Variants in DGKB observed in about 807,000 individuals in gnomAD.
The protein encoded by DGKB is diacylglycerol kinase beta, also known as 90 kDa diacylglycerol kinase.
In DGKB, 67 loss-of-function variants were observed where a neutral mutation model predicts 114.3. The ratio of observed to expected loss-of-function variants is 0.59; its 90% CI spans 0.48 to 0.72. The LOEUF (loss-of-function observed/expected upper bound fraction) is 0.72. Ranked by LOEUF, DGKB falls within the 30% of genes least tolerant of loss-of-function variation. The pLI is 0.00. For synonymous variants in DGKB, 398 were observed against 323.1 expected (o/e 1.23, Z -2.49); for missense variants, 907 against 975.2 (o/e 0.93, Z 0.93).
intron 21 of DGKB, among the ~76,000 whole-genome samples, chr7:14,392,995 G>GTTTTTTTGTTTTTTTTTTTTTTTTTTTTT (rs1554404750): frequency 5.9e-4 from 36 of 60,548 alleles, no homozygotes; most frequent in East Asian, 3.2e-3. Flanking sequence ...TTTTGTTTTT[G>GTTTTTTTGTTTTTTTTTTTTTTTTTTTTT]TTTTTTTTTT....
chr7:14,831,699 G>A (rs1444994153), intron 2 of DGKB, among the ~76,000 whole-genome samples: 5 of 152,042 alleles, frequency 3.3e-5, no homozygotes, highest in Admixed American at 6.6e-5. Context: ...CCTAGCATCC[G>A]AGGATCTGCA....
intron 23 of DGKB, among the ~76,000 whole-genome samples, chr7:14,192,908 T>C (rs971224054): frequency 2.0e-5 from 3 of 152,022 alleles, no homozygotes; most frequent in African/African-American, 4.8e-5. Flanking sequence ...GGTGTTAGAT[T>C]CACATACAGA....
At chr7:14,479,531 C>T (rs187109768) in intron 20 of DGKB, among the ~76,000 whole-genome samples, 7 of 152,196 alleles carry the variant, frequency 4.6e-5, no homozygotes, top group South Asian at 4.1e-4. Flanking sequence ...TCCCCCTCTA[C>T]GGTTTAATAT....
intron 13 of DGKB, among the ~76,000 whole-genome samples, chr7:14,654,572 A>T (rs2128908657): frequency 6.6e-6 from 1 of 152,162 alleles, no homozygotes; most frequent in South Asian, 2.1e-4. Context: ...AACAAATACA[A>T]GTAGTCAAAG....
intron 1 of DGKB, among the ~76,000 whole-genome samples, chr7:14,974,379 A>T (rs1198121974): frequency 6.6e-6 from 1 of 152,124 alleles, no homozygotes; most frequent in Admixed American, 6.6e-5. Context: ...TTGCTTAATT[A>T]AAAAAGGAAT....
rs543028575 is a variant in DGKB at position 14,234,760 on chromosome 7, G to T, written c.2123-56609C>A. Among the ~76,000 whole-genome samples the T allele has an allele frequency of 3.3e-5, 5 of 152,106 alleles. No homozygotes were observed. In the East Asian group the frequency reaches 9.7e-4, roughly 30 times the overall value. ...GAACTTAGAAAAGGTGATGTAGGGG[G>T]AGTATTCTCCATCTTATATCATTGC... On this transcript the variant is annotated intron_variant, in intron 23 of 25. Transcript: ENST00000402815.
At chr7:14,480,398 T>C (rs760317016) in intron 20 of DGKB, among the ~76,000 whole-genome samples, 3 of 152,018 alleles carry the variant, frequency 2.0e-5, no homozygotes, top group African/African-American at 4.8e-5. Context: ...AACTACAGGA[T>C]TGATAAGGAA....
At chr7:14,754,330 T>C (rs1236569570) in intron 3 of DGKB, among the ~76,000 whole-genome samples, 1 of 152,150 alleles carries the variant, frequency 6.6e-6, no homozygotes, top group Non-Finnish European at 1.5e-5. Flanking sequence ...AAATATAATA[T>C]GTAACACATA....
At chr7:14,740,062 G>T (rs981287240) in intron 4 of DGKB, among the ~76,000 whole-genome samples, 2 of 152,198 alleles carry the variant, frequency 1.3e-5, no homozygotes, top group African/African-American at 4.8e-5. Flanking sequence ...GGGCAATCTT[G>T]GGGGCTAGAG....
chr7:14,511,334 G>T (rs1787947263), intron 20 of DGKB, among the ~76,000 whole-genome samples: 1 of 152,098 alleles, frequency 6.6e-6, no homozygotes, highest in South Asian at 2.1e-4. Context: ...GCACTTGCTT[G>T]CTGTGTCACC....
intron 21 of DGKB, among the ~76,000 whole-genome samples, chr7:14,455,975 G>A (rs1009993985): frequency 2.0e-5 from 3 of 151,874 alleles, no homozygotes; most frequent in Non-Finnish European, 2.9e-5. Flanking sequence ...TGTATACACC[G>A]TATACAGGTT....
chr7:14,443,100 G>A (rs1305833431), intron 21 of DGKB, among the ~76,000 whole-genome samples: 1 of 152,030 alleles, frequency 6.6e-6, no homozygotes, highest in African/African-American at 2.4e-5. Context: ...TGTTGGATGT[G>A]TACTTATTTT....
intron 23 of DGKB, among the ~76,000 whole-genome samples, chr7:14,286,152 C>T (rs574389361): frequency 1.3e-5 from 2 of 152,184 alleles, no homozygotes; most frequent in African/African-American, 4.8e-5. Context: ...TGTCTGTAAC[C>T]ATAAAGAAAT....
At chr7:14,211,424 A>T (rs1376909494) in intron 23 of DGKB, among the ~76,000 whole-genome samples, 1 of 51,712 alleles carries the variant, frequency 1.9e-5, no homozygotes, top group Non-Finnish European at 3.4e-5. Context: ...ATGTTTTGTG[A>T]TTTTACTCTC....
chr7:14,322,933 C>T (rs1456444973), intron 23 of DGKB, among the ~76,000 whole-genome samples: 3 of 152,162 alleles, frequency 2.0e-5, no homozygotes, highest in Non-Finnish European at 4.4e-5. Context: ...AGATGTAGAG[C>T]AGTGATAGCC....
At chr7:14,745,593 C>G (rs779199519) in intron 4 of DGKB, among the ~76,000 whole-genome samples, 3 of 152,156 alleles carry the variant, frequency 2.0e-5, no homozygotes, top group African/African-American at 7.2e-5. Context: ...TGTAGTGGCT[C>G]AGACTAAGGG....
chr7:14,923,241 T>C (rs1184341611), intron 1 of DGKB, among the ~76,000 whole-genome samples: 4 of 152,222 alleles, frequency 2.6e-5, no homozygotes, highest in African/African-American at 7.2e-5. Flanking sequence ...TTTTAGTTTA[T>C]GGACTTCCTG....
intron 1 of DGKB, among the ~76,000 whole-genome samples, chr7:14,913,885 C>G (rs1336965916): frequency 6.6e-6 from 1 of 152,052 alleles, no homozygotes. Flanking sequence ...ACAGAGTAAA[C>G]TACTACCCAC....
At chr7:14,331,643 T>A (rs940115569) in intron 23 of DGKB, among the ~76,000 whole-genome samples, 10 of 152,088 alleles carry the variant, frequency 6.6e-5, no homozygotes, top group African/African-American at 1.9e-4. Flanking sequence ...TAATCTTACT[T>A]CTTCCAGCAC....
Sources: allele counts gnomAD v4.1 joint callset (sites outside exome capture counted in the v4.1 genomes callset), GRCh38; gene constraint gnomAD v4.1.1; transcripts MANE v1.5; gene names NCBI Gene and HGNC (gene_info 2026-07-23, HGNC 2026-07-21).